SLC25A48: variants seen among roughly 807,000 people sequenced by gnomAD.
The protein encoded by SLC25A48 is CTC-321K16.1.
A neutral mutation model predicts 32.2 loss-of-function variants in SLC25A48; 29 were observed. That is an observed-to-expected ratio of 0.90 (90% CI 0.67 to 1.23). SLC25A48 has a LOEUF of 1.23. SLC25A48 is among the 50% of genes most tolerant of loss of function. SLC25A48 has a pLI of 0.00. For synonymous variants in SLC25A48, 164 were observed against 172.3 expected (o/e 0.95, Z 0.38); for missense variants, 399 against 422.7 (o/e 0.94, Z 0.49).
chr5:135,667,432 G>T (rs895059140), intron 3 of SLC25A48, among the ~76,000 whole-genome samples: 7 of 152,164 alleles, frequency 4.6e-5, no homozygotes, highest in African/African-American at 1.7e-4. Context: ...CACCAGTGCT[G>T]CAACTCCCGA....
intron 6 of SLC25A48, among the ~76,000 whole-genome samples, chr5:135,876,583 G>A (rs1459074196): frequency 6.6e-5 from 10 of 152,062 alleles, no homozygotes; most frequent in Non-Finnish European, 8.8e-5. Context: ...AACTACATGA[G>A]GATATACTAT....
intron 3 of SLC25A48, among the ~76,000 whole-genome samples, chr5:135,723,415 A>ACACACACACACAC (rs1755018421): frequency 1.6e-5 from 1 of 62,094 alleles, no homozygotes; most frequent in Non-Finnish European, 4.9e-5. Context: ...CACACACACA[A>ACACACACACACAC]TGGGGAGGGG....
Position 135,852,817 on chromosome 5 carries a change from G to C in SLC25A48, c.417G>C (p.Arg139=), listed in dbSNP as rs1291072051. ...TGCAGATGCAGACACAACCGTTTCG[G>C]GACGGTAAGAGGCCAGGGGAGCGGA... ...IRLQMQTQPF[R]DANLGLKSRA... Residue 139 remains arginine, a synonymous_variant, in exon 4 of 8, where the codon CGG becomes CGC. Transcript: ENST00000681962. 1.1e-5 allele frequency: 17 copies of C among 1,604,028 alleles called. No individual in the cohort carries two copies. Among genetic ancestry groups the C allele is most frequent in the Non-Finnish European group, 1.4e-5 (16 of 1,171,848 alleles).
chr5:135,755,907 A>G (rs949008547), intron 3 of SLC25A48, among the ~76,000 whole-genome samples: 3 of 152,106 alleles, frequency 2.0e-5, no homozygotes, highest in Admixed American at 2.0e-4. Context: ...TATGATAGTA[A>G]TAAAATATCT....
intron 1 of SLC25A48, among the ~76,000 whole-genome samples, chr5:135,619,272 G>A (rs1030513512): frequency 7.9e-5 from 12 of 151,606 alleles, no homozygotes; most frequent in African/African-American, 2.7e-4. Flanking sequence ...TCTTTCTTCT[G>A]TTTGATCTAA....
intron 1 of SLC25A48, among the ~76,000 whole-genome samples, chr5:135,610,329 A>G (rs1283764967): frequency 6.6e-6 from 1 of 152,094 alleles, no homozygotes; most frequent in Non-Finnish European, 1.5e-5. Context: ...CCCAACCCTC[A>G]CATATGTGCT....
intron 1 of SLC25A48, chr5:135,609,631 T>C (rs570480983): frequency 1.1e-4 from 16 of 152,324 alleles, no homozygotes; most frequent in African/African-American, 3.6e-4. Context: ...ATGAGTTCCA[T>C]TGACATCTCT....
intron 3 of SLC25A48, among the ~76,000 whole-genome samples, chr5:135,744,612 C>T (rs1254396900): frequency 6.6e-6 from 1 of 151,742 alleles, no homozygotes; most frequent in Non-Finnish European, 1.5e-5. Context: ...GCTGGGATTA[C>T]AGGCGTGAGC....
At chr5:135,713,063 C>T (rs1242158100) in intron 3 of SLC25A48, among the ~76,000 whole-genome samples, 10 of 152,200 alleles carry the variant, frequency 6.6e-5, no homozygotes, top group African/African-American at 2.4e-4. Flanking sequence ...GAACAGTGAT[C>T]GCTCAGCATT....
At chr5:135,704,899 G>A (rs1003487924) in intron 3 of SLC25A48, among the ~76,000 whole-genome samples, 1 of 152,198 alleles carries the variant, frequency 6.6e-6, no homozygotes, top group Non-Finnish European at 1.5e-5. Context: ...TGTGGTCTGG[G>A]TTGATGGTAC....
intron 3 of SLC25A48, among the ~76,000 whole-genome samples, chr5:135,729,351 AAG>A (rs1755172271): frequency 6.6e-6 from 1 of 151,980 alleles, no homozygotes; most frequent in Admixed American, 6.6e-5. Flanking sequence ...ATGTTGAGGA[AAG>A]ATTTTTTTTT....
chr5:135,857,530 T>C (rs905943869), intron 4 of SLC25A48, among the ~76,000 whole-genome samples: 1 of 152,212 alleles, frequency 6.6e-6, no homozygotes, highest in African/African-American at 2.4e-5. Flanking sequence ...TGTTCACGTA[T>C]CTCCAAGATG....
At chr5:135,613,049 A>T (rs183596595) in intron 1 of SLC25A48, among the ~76,000 whole-genome samples, 1 of 152,296 alleles carries the variant, frequency 6.6e-6, no homozygotes, top group Admixed American at 6.5e-5. Context: ...CCAACAGTGT[A>T]TGAGTACCGT....
chr5:135,742,579 T>C (rs1049303121), intron 3 of SLC25A48: 2 of 1,210,418 alleles, frequency 1.7e-6, no homozygotes, highest in Non-Finnish European at 1.2e-6. Flanking sequence ...TCTCTTTGAT[T>C]TCCTCTATAG....
intron 3 of SLC25A48, among the ~76,000 whole-genome samples, chr5:135,721,192 C>CCTTTTTTTTTTT (rs1754944473): frequency 1.9e-5 from 1 of 53,866 alleles, no homozygotes; most frequent in Non-Finnish European, 4.2e-5. Context: ...CATGCCTGGC[C>CCTTTTTTTTTTT]TTTTTTTTTT....
chr5:135,847,751 A>G (rs1225801660), intron 2 of SLC25A48, among the ~76,000 whole-genome samples: 1 of 152,084 alleles, frequency 6.6e-6, no homozygotes, highest in East Asian at 1.9e-4. Context: ...GAGACAAGAA[A>G]ACACATTCTC....
intron 3 of SLC25A48, among the ~76,000 whole-genome samples, chr5:135,636,788 G>A (rs780255320): frequency 3.9e-5 from 6 of 152,230 alleles, no homozygotes; most frequent in African/African-American, 1.4e-4. Flanking sequence ...TTCAACTTCC[G>A]TTACCTCGAG....
intron 3 of SLC25A48, among the ~76,000 whole-genome samples, chr5:135,647,395 C>A (rs1752988635): frequency 6.6e-6 from 1 of 152,166 alleles, no homozygotes; most frequent in Non-Finnish European, 1.5e-5. Context: ...CTGTGTCCTC[C>A]CTTCCCTCAA....
At chr5:135,852,411 C>A (rs1294912177) in intron 3 of SLC25A48, 152 bp from the exon 4 acceptor site, 3 of 945,072 alleles carry the variant, frequency 3.2e-6, no homozygotes, top group Non-Finnish European at 4.7e-6. Context: ...TGAGTGGTTC[C>A]CCACCCCCTA....
Sources: allele counts gnomAD v4.1 joint callset (sites outside exome capture counted in the v4.1 genomes callset), GRCh38; gene constraint gnomAD v4.1.1; transcripts MANE v1.5; gene names NCBI Gene and HGNC (gene_info 2026-07-23, HGNC 2026-07-21).